CLSTN2: variants seen among roughly 807,000 people sequenced by gnomAD.
CLSTN2 encodes calsyntenin 2, also known as calsyntenin-2.
A neutral mutation model predicts 101.2 loss-of-function variants in CLSTN2; 48 were observed. The observed-to-expected ratio is 0.47, with a 90% CI of 0.38 to 0.60. The LOEUF (loss-of-function observed/expected upper bound fraction) is 0.60. Ranked by LOEUF, CLSTN2 falls within the 20% of genes least tolerant of loss-of-function variation. The probability of loss-of-function intolerance (pLI) is 0.00; values close to 1 mark genes in which losing one functional copy is unlikely to be tolerated. For synonymous variants in CLSTN2, 481 were observed against 463.6 expected (o/e 1.04, Z -0.48); for missense variants, 1,160 against 1,238.2 (o/e 0.94, Z 0.95).
At chr3:140,287,527 A>G (rs1453024508) in intron 2 of CLSTN2, among the ~76,000 whole-genome samples, 1 of 152,200 alleles carries the variant, frequency 6.6e-6, no homozygotes, top group African/African-American at 2.4e-5. Context: ...AGTTTCTTCT[A>G]CTTCAATTAT....
intron 1 of CLSTN2, among the ~76,000 whole-genome samples, chr3:140,013,203 G>A (rs1397280887): frequency 1.3e-5 from 2 of 152,218 alleles, no homozygotes; most frequent in African/African-American, 2.4e-5. Context: ...TGTACTTTCT[G>A]TACACCAGGA....
chr3:139,945,435 G>C (rs1009706140), intron 1 of CLSTN2, among the ~76,000 whole-genome samples: 12 of 152,168 alleles, frequency 7.9e-5, no homozygotes, highest in Admixed American at 7.2e-4. Context: ...AGAAATCTTC[G>C]AGGCTTAAAC....
At chr3:140,179,154 T>C (rs537377869) in intron 2 of CLSTN2, among the ~76,000 whole-genome samples, 1 of 152,272 alleles carries the variant, frequency 6.6e-6, no homozygotes, top group South Asian at 2.1e-4. Context: ...ATGGTATATC[T>C]CCTGATTATG....
intron 1 of CLSTN2, among the ~76,000 whole-genome samples, chr3:139,946,839 G>A (rs368001193): frequency 2.6e-5 from 4 of 152,322 alleles, no homozygotes; most frequent in African/African-American, 9.6e-5. Flanking sequence ...TACCATTATT[G>A]CTCAGGCTTC....
intron 1 of CLSTN2, among the ~76,000 whole-genome samples, chr3:140,156,296 A>T (rs1034594352): frequency 2.0e-5 from 3 of 152,172 alleles, no homozygotes; most frequent in African/African-American, 7.2e-5. Context: ...ACGATGTTTC[A>T]ATTACAATTT....
intron 1 of CLSTN2, among the ~76,000 whole-genome samples, chr3:140,075,916 TAAA>T (rs896556645): frequency 6.8e-6 from 1 of 146,380 alleles, no homozygotes; most frequent in South Asian, 2.2e-4. Flanking sequence ...TTGTGCTCCT[TAAA>T]AAAAAAAAAT....
chr3:140,278,020 A>G (rs2086810972), intron 2 of CLSTN2, among the ~76,000 whole-genome samples: 1 of 152,204 alleles, frequency 6.6e-6, no homozygotes, highest in Admixed American at 6.5e-5. Context: ...ACCGGCTGTC[A>G]GTCAGAGGCT....
intron 2 of CLSTN2, among the ~76,000 whole-genome samples, chr3:140,286,366 C>T (rs1369017274): frequency 2.0e-5 from 3 of 152,124 alleles, no homozygotes; most frequent in East Asian, 1.9e-4. Flanking sequence ...GTTTATCGAT[C>T]GTCCTTTCTG....
intron 1 of CLSTN2, among the ~76,000 whole-genome samples, chr3:139,963,803 A>G (rs2107815663): frequency 6.6e-6 from 1 of 152,306 alleles, no homozygotes; most frequent in African/African-American, 2.4e-5. Flanking sequence ...AGTTGTCAGT[A>G]TAGCTTGTTA....
At chr3:140,258,976 A>C (rs1289736917) in intron 2 of CLSTN2, among the ~76,000 whole-genome samples, 1 of 152,196 alleles carries the variant, frequency 6.6e-6, no homozygotes, top group Non-Finnish European at 1.5e-5. Context: ...ATGACTGCTT[A>C]TGTGGAGCAG....
intron 7 of CLSTN2, among the ~76,000 whole-genome samples, chr3:140,465,032 A>T (rs1386863553): frequency 1.3e-5 from 2 of 152,222 alleles, no homozygotes; most frequent in Non-Finnish European, 2.9e-5. Flanking sequence ...TTCTGGGCAG[A>T]TGCATTCCAC....
At chr3:140,245,735 T>C (rs780654689) in intron 2 of CLSTN2, among the ~76,000 whole-genome samples, 17 of 152,302 alleles carry the variant, frequency 1.1e-4, no homozygotes, top group Non-Finnish European at 1.9e-4. Context: ...ATCTTTCCCT[T>C]CTCTAAAGTC....
At position 140,001,183 on chromosome 3, in the gene CLSTN2, C is replaced by G. The variant is rs578140509; in HGVS notation, c.109+65700C>G. ...AGTTTGACTCAGGTCTTTCTGAAGT[C>G]AAAACACAGTACAACTCTTACTACG... On this transcript the variant is annotated intron_variant, in intron 1 of 16. Transcript: ENST00000458420. 3.3e-5 allele frequency among the ~76,000 whole-genome samples: 5 copies of G among 152,242 alleles called. No homozygotes were observed. In the South Asian group the frequency reaches 1.0e-3, roughly 32 times the overall value.
At chr3:140,017,887 T>C (rs1247200541) in intron 1 of CLSTN2, among the ~76,000 whole-genome samples, 1 of 152,246 alleles carries the variant, frequency 6.6e-6, no homozygotes, top group Non-Finnish European at 1.5e-5. Context: ...GGCTTTATTG[T>C]CTCATCCTGA....
chr3:140,381,420 C>T (rs186732808), intron 2 of CLSTN2, among the ~76,000 whole-genome samples: 28 of 152,284 alleles, frequency 1.8e-4, no homozygotes, highest in Admixed American at 1.8e-3. Flanking sequence ...AGGCAGACTC[C>T]ACCAACTCTG....
chr3:140,542,570 A>T (rs991512862), intron 9 of CLSTN2, among the ~76,000 whole-genome samples: 1 of 152,094 alleles, frequency 6.6e-6, no homozygotes, highest in African/African-American at 2.4e-5. Context: ...ATTTTTTTTT[A>T]AATCCTGCAT....
intron 2 of CLSTN2, among the ~76,000 whole-genome samples, chr3:140,219,793 G>A (rs2086251004): frequency 6.6e-6 from 1 of 152,154 alleles, no homozygotes; most frequent in Admixed American, 6.5e-5. Context: ...GTTTGGTGTT[G>A]GCACCTCTCT....
At chr3:140,203,213 A>G (rs1189945339) in intron 2 of CLSTN2, among the ~76,000 whole-genome samples, 1 of 152,194 alleles carries the variant, frequency 6.6e-6, no homozygotes, top group Non-Finnish European at 1.5e-5. Context: ...CTGCTAAGTC[A>G]AGTAAGATTA....
At chr3:140,428,176 G>C (rs901239481) in intron 5 of CLSTN2, among the ~76,000 whole-genome samples, 1 of 152,070 alleles carries the variant, frequency 6.6e-6, no homozygotes, top group African/African-American at 2.4e-5. Context: ...TGTTTGTTTA[G>C]TTTTTATTTT....
Sources: allele counts gnomAD v4.1 joint callset (sites outside exome capture counted in the v4.1 genomes callset), GRCh38; gene constraint gnomAD v4.1.1; transcripts MANE v1.5; gene names NCBI Gene and HGNC (gene_info 2026-07-23, HGNC 2026-07-21).